CDK13: variants seen among roughly 807,000 people sequenced by gnomAD.
The protein encoded by CDK13 is cyclin dependent kinase 13, also known as cyclin-dependent kinase 13.
A neutral mutation model predicts 137.6 loss-of-function variants in CDK13; 40 were observed. The observed-to-expected ratio is 0.29, with a 90% CI of 0.23 to 0.38. The LOEUF (loss-of-function observed/expected upper bound fraction) is 0.38, where lower values mean the gene tolerates loss of function less well. CDK13 is among the 10% of genes least tolerant of loss of function. The probability of loss-of-function intolerance (pLI) is 1.00; values close to 1 mark genes in which losing one functional copy is unlikely to be tolerated. For missense variants in CDK13, 1,704 were observed against 1,951.8 expected (o/e 0.87, Z 2.39); for synonymous variants, 869 against 760.1 (o/e 1.14, Z -2.36).
At chr7:40,085,170 G>C (rs1786760765) in intron 11 of CDK13, among the ~76,000 whole-genome samples, 1 of 152,116 alleles carries the variant, frequency 6.6e-6, no homozygotes, top group Non-Finnish European at 1.5e-5. Context: ...AGACCAGCCT[G>C]GTCAACATGG....
Position 39,950,896 on chromosome 7 carries a change from C to G in CDK13, c.255C>G (p.Pro85=), listed in dbSNP as rs985522324. 43 of 1,343,372 alleles carry G rather than the reference C, an allele frequency of 3.2e-5. No individual in the cohort carries two copies. In the East Asian group the frequency reaches 1.3e-3, roughly 41 times the overall value. The allele number at this position is 1,343,372 out of a possible 1,614,324, so 83.2% of individuals were successfully genotyped here. Residue 85 remains proline, a synonymous_variant, in exon 1 of 14, where the codon CCC becomes CCG. Transcript: ENST00000181839. ...CCTCCTCTTGCTTCAGCCCGGGCCC[C>G]CCTCTGGAGGTCAAGCGGCTGGCGA... ...AASSSCFSPG[P]PLEVKRLARG... is the part of the protein sequence containing the mutation.
chr7:40,069,978 G>A, intron 9 of CDK13: 1 of 150,710 alleles, frequency 6.6e-6, no homozygotes. Context: ...ACTTTGGGAG[G>A]CCGAGGCGGA....
intron 5 of CDK13, among the ~76,000 whole-genome samples, chr7:40,003,103 G>GT: frequency 6.9e-6 from 1 of 145,956 alleles, no homozygotes; most frequent in Admixed American, 6.9e-5. Context: ...AAAGATTAAA[G>GT]TAGGTATGTT....
intron 5 of CDK13, among the ~76,000 whole-genome samples, chr7:40,023,727 C>T (rs1348956883): frequency 4.0e-5 from 6 of 151,880 alleles, no homozygotes; most frequent in Non-Finnish European, 5.9e-5. Context: ...TCTCGTGATC[C>T]GCCCGCCTCG....
At position 39,991,434 on chromosome 7, in the gene CDK13, C is replaced by G. The variant is rs140707909; in HGVS notation, c.1871+3176C>G. Reference sequence around the variant, plus strand: ...TTGCTTTCTTTGAGCATGCCTGTATCTATATTCCTGGTTGACTTTCACTGT... The same window carrying G: ...TTGCTTTCTTTGAGCATGCCTGTATGTATATTCCTGGTTGACTTTCACTGT... On this transcript the variant is annotated intron_variant, in intron 2 of 13. Transcript: ENST00000181839. Among the ~76,000 whole-genome samples the G allele has an allele frequency of 3.8e-3, 583 of 151,500 alleles. 1 individual carries two copies. Among genetic ancestry groups the G allele is most frequent in the African/African-American group, 0.012 (515 of 41,274 alleles).
chr7:39,975,468 A>G (rs17537767), intron 1 of CDK13, among the ~76,000 whole-genome samples: 13,211 of 152,204 alleles, frequency 0.087, 1,032 homozygotes, highest in East Asian at 0.36. Context: ...ATGTGAGCAT[A>G]TATTAATATA....
intron 1 of CDK13, among the ~76,000 whole-genome samples, chr7:39,969,122 G>A (rs1220559097): frequency 6.6e-6 from 1 of 152,078 alleles, no homozygotes; most frequent in East Asian, 1.9e-4. Flanking sequence ...CGATTCCCCT[G>A]TCTCAGCCTC....
chr7:40,040,332 A>G (rs939934439), intron 5 of CDK13, among the ~76,000 whole-genome samples: 1 of 152,222 alleles, frequency 6.6e-6, no homozygotes, highest in African/African-American at 2.4e-5. Flanking sequence ...CATCTTTATC[A>G]TATAGTAAAG....
At position 40,097,183 on chromosome 7, in the gene CDK13, G is replaced by A. The variant is rs1367238910; in HGVS notation, c.*2203G>A. ...TCAAACATTTCAGTTATATATTTAT[G>A]TTGGGAGAGTGGCTGGGAGGACAGG... On this transcript the variant is annotated 3_prime_UTR_variant, in exon 14 of 14. Coordinates refer to ENST00000181839, the MANE Select transcript of CDK13 (RefSeq NM_003718.5). The A allele has an allele frequency of 6.6e-6, 1 of 152,088 alleles. No homozygotes were observed. Among genetic ancestry groups the A allele is most frequent in the East Asian group, 1.9e-4 (1 of 5,202 alleles). The allele number at this position is 152,088 out of a possible 1,614,324, so 9.4% of individuals were successfully genotyped here. A position where few individuals can be genotyped will look rare whatever the true frequency, so the allele number is the denominator to read the frequency against.
intron 1 of CDK13, chr7:39,985,843 TAC>T (rs1424847395): frequency 1.3e-5 from 2 of 152,074 alleles, no homozygotes; most frequent in Non-Finnish European, 2.9e-5. Context: ...CCAGGAAAAA[TAC>T]AGTGTTATTG....
At chr7:40,021,102 CGTATATATAT>C (rs1785108788) in intron 5 of CDK13, among the ~76,000 whole-genome samples, 1 of 16,298 alleles carries the variant, frequency 6.1e-5, no homozygotes, top group Non-Finnish European at 1.9e-4. Context: ...AGCAAACAAA[CGTATATATAT>C]ATATATATAT....
At chr7:40,047,021 A>AAAAT (rs1785757417) in intron 6 of CDK13, among the ~76,000 whole-genome samples, 1 of 151,802 alleles carries the variant, frequency 6.6e-6, no homozygotes, top group South Asian at 2.1e-4. Flanking sequence ...TCAAAAAAAA[A>AAAAT]AAAAAAAAAA....
At chr7:40,070,032 C>T (rs1352994525) in intron 9 of CDK13, 5 of 123,544 alleles carry the variant, frequency 4.0e-5, no homozygotes, top group African/African-American at 6.4e-5. Context: ...ACCATCCGGG[C>T]TAACACGGTG....
At position 40,020,752 on chromosome 7, in the gene CDK13, T is replaced by G. The variant is rs114091036; in HGVS notation, c.2353+18721T>G. Among the ~76,000 whole-genome samples the G allele has an allele frequency of 1.8e-4, 28 of 152,212 alleles. 1 individual carries two copies. The highest frequency in any genetic ancestry group is 1.3e-4 in the Non-Finnish European group (9 of 68,040). On this transcript the variant is annotated intron_variant, in intron 5 of 13. Transcript: ENST00000181839. ...TAGGTGAAATGCTTTGTAGGTAAAA[T>G]TTTTAAAAAGCAAGGTAGCTTTTAA...
At chr7:40,011,283 G>A (rs551423363) in intron 5 of CDK13, among the ~76,000 whole-genome samples, 1 of 152,266 alleles carries the variant, frequency 6.6e-6, no homozygotes, top group East Asian at 1.9e-4. Flanking sequence ...CAACCCCTTG[G>A]AGGCCGAGGC....
intron 5 of CDK13, among the ~76,000 whole-genome samples, chr7:40,036,245 C>G (rs951575305): frequency 6.6e-6 from 1 of 151,858 alleles, no homozygotes; most frequent in Non-Finnish European, 1.5e-5. Context: ...AATATAGGAA[C>G]ATGAAATTTA....
intron 1 of CDK13, among the ~76,000 whole-genome samples, chr7:39,953,234 C>G (rs1787293945): frequency 6.6e-6 from 1 of 152,174 alleles, no homozygotes; most frequent in South Asian, 2.1e-4. Flanking sequence ...TTGAAGCATA[C>G]TTAAAATGTT....
At chr7:40,016,789 A>G (rs1562730194) in intron 5 of CDK13, among the ~76,000 whole-genome samples, 1 of 152,202 alleles carries the variant, frequency 6.6e-6, no homozygotes, top group Non-Finnish European at 1.5e-5. Context: ...AAAGAAATGT[A>G]ATTTAAACGA....
At chr7:40,055,156 CTG>C (rs56001601) in intron 7 of CDK13, among the ~76,000 whole-genome samples, 32,642 of 140,026 alleles carry the variant, frequency 0.23, 3,589 homozygotes, top group East Asian at 0.36. Context: ...GGCAGAAGGA[CTG>C]TGTGTGTGTG....
Sources: allele counts gnomAD v4.1 joint callset (sites outside exome capture counted in the v4.1 genomes callset), GRCh38; gene constraint gnomAD v4.1.1; transcripts MANE v1.5; gene names NCBI Gene and HGNC (gene_info 2026-07-23, HGNC 2026-07-21).